BRSK1: variants seen among roughly 807,000 people sequenced by gnomAD.
The protein encoded by BRSK1 is serine/threonine-protein kinase BRSK1.
A neutral mutation model predicts 86.2 loss-of-function variants in BRSK1; 17 were observed. That is an observed-to-expected ratio of 0.20 (90% confidence interval 0.14 to 0.30). The LOEUF (loss-of-function observed/expected upper bound fraction) is 0.30. BRSK1 is among the 10% of genes least tolerant of loss of function. The pLI is 1.00. For missense variants in BRSK1, 719 were observed against 1,071.9 expected, an observed-to-expected ratio of 0.67 and a Z score of 4.60; for synonymous variants, 464 against 440.1, an observed-to-expected ratio of 1.05 and a Z score of -0.68.
Position 55,304,069 on chromosome 19 carries a change from G to T in BRSK1, c.1306G>T (p.Ala436Ser). Residue 436 changes from alanine (A) to serine (S), a missense_variant, in exon 13 of 19, where the codon GCC becomes TCC. Physicochemically the swap from Ala to Ser is moderately conservative, Grantham distance 99. Transcript: ENST00000309383. The surrounding 1 kb of genome is among the most constrained non-coding windows in gnomAD (Gnocchi z 5.2). Reference protein sequence around the residue: ...HSQRSRSVSGASTGLSSSPLS... With the variant: ...HSQRSRSVSGSSTGLSSSPLS... Reference sequence around the variant, plus strand: ...AAACAGATCCCGTAGCGTCAGTGGAGCCTCCACGGGTCTGTCCTCCAGCCC... The same window carrying T: ...AAACAGATCCCGTAGCGTCAGTGGATCCTCCACGGGTCTGTCCTCCAGCCC... 6.2e-7 allele frequency: 1 copy of T among 1,612,226 alleles called. No homozygotes were observed. Among genetic ancestry groups the T allele is most frequent in the Non-Finnish European group, 8.5e-7 (1 of 1,179,640 alleles).
intron 1 of BRSK1, 29 bp from the exon 2 acceptor site, chr19:55,286,978 C>G (rs1483876677): frequency 6.2e-7 from 1 of 1,610,094 alleles, no homozygotes; most frequent in African/African-American, 1.3e-5. Flanking sequence ...CCCGGCGGAA[C>G]ACCCCACATT....
rs1249831971 is a variant in BRSK1, at chr19:55,306,419, C to T, written c.2058C>T (p.Gly686=). Residue 686 remains glycine, a synonymous_variant, in exon 17 of 19, where the codon GGC becomes GGT. Transcript: ENST00000309383. The surrounding 1 kb of genome is among the most constrained non-coding windows in gnomAD (Gnocchi z 4.7). Reference sequence around the variant, plus strand: ...GACGGGACGGCAGCGGAGGTGGTGGCATCTACTCCGTCACCTTCACTCTCA... The same window carrying T: ...GACGGGACGGCAGCGGAGGTGGTGGTATCTACTCCGTCACCTTCACTCTCA... ...SPRRDGSGGG[G]IYSVTFTLIS... 3.1e-6 allele frequency: 5 copies of T among 1,613,602 alleles called. No homozygotes were observed. The South Asian group carries it at 4.4e-5, about 14-fold the overall frequency.
chr19:55,290,773 C>T lies in BRSK1; in HGVS notation c.458+1153C>T, dbSNP rs568565352. Among the ~76,000 whole-genome samples, 207 of 152,222 alleles carry T rather than the reference C, an allele frequency of 1.4e-3. 2 individuals are homozygous for T. The highest frequency in any genetic ancestry group is 0.01 in the Middle Eastern group (3 of 294). On this transcript the variant is annotated intron_variant, in intron 4 of 18. Coordinates refer to ENST00000309383, the MANE Select transcript of BRSK1 (RefSeq NM_032430.2). ...TCTCCTGCCTCAGCCTCCCAAGTAG[C>T]TGGGACTACAGGCGCCCGCCACCAC...
At position 55,302,969 on chromosome 19, in the gene BRSK1, T is replaced by G; in HGVS notation, c.1028+102T>G. 1.4e-6 allele frequency: 2 copies of G among 1,453,506 alleles called. No homozygotes were observed. The highest frequency in any genetic ancestry group is 1.8e-6 in the Non-Finnish European group (2 of 1,084,844). The allele number at this position is 1,453,506 out of a possible 1,614,324, so 90.0% of individuals were successfully genotyped here. A position where few individuals can be genotyped will look rare whatever the true frequency, so the allele number is the denominator to read the frequency against. ...CTGGGCGAGGAACCCTGGCCTCTCATGGGGCATGGTTTGAAGCTCCCGCCT... is the reference window on the plus strand; with the variant it reads ...CTGGGCGAGGAACCCTGGCCTCTCAGGGGGCATGGTTTGAAGCTCCCGCCT... On this transcript the variant is annotated intron_variant, in intron 10 of 18. Transcript: ENST00000309383. This position sits in a 1 kb window ranked among gnomAD's most constrained non-coding sequence, Gnocchi z 6.3.
chr19:55,284,858 G>A (rs2122920585), intron 1 of BRSK1, among the ~76,000 whole-genome samples: 1 of 150,188 alleles, frequency 6.7e-6, no homozygotes, highest in South Asian at 2.1e-4. Context: ...GGGCCTGGGG[G>A]CCTGGACTCC....
In BRSK1 at chr19:55,304,428, A is replaced by T; in HGVS notation, c.1348-123A>T. The T allele has an allele frequency of 8.3e-7, 1 of 1,199,774 alleles. No homozygotes were observed. Among genetic ancestry groups the T allele is most frequent in the African/African-American group, 1.6e-5 (1 of 64,228 alleles). 74.3% of individuals were successfully genotyped at this position (1,199,774 alleles called of 1,614,324 possible). A position where few individuals can be genotyped will look rare whatever the true frequency, so the allele number is the denominator to read the frequency against. On this transcript the variant is annotated intron_variant, in intron 13 of 18. Coordinates refer to ENST00000309383, the MANE Select transcript of BRSK1 (RefSeq NM_032430.2). The surrounding 1 kb of genome is among the most constrained non-coding windows in gnomAD (Gnocchi z 5.2). ...TGCTCTGGGGCCTGGGAAGGAGGAT[A>T]CTTGGACTACAAGTTGCAGCATGCA...
chr19:55,290,742 C>T (rs1368055123), intron 4 of BRSK1, among the ~76,000 whole-genome samples: 1 of 151,938 alleles, frequency 6.6e-6, no homozygotes, highest in South Asian at 2.1e-4. Flanking sequence ...CCCGGGTTCA[C>T]GCCATTCTCC....
intron 4 of BRSK1, among the ~76,000 whole-genome samples, chr19:55,292,769 G>T (rs895648061): frequency 1.3e-5 from 2 of 151,924 alleles, no homozygotes; most frequent in Non-Finnish European, 2.9e-5. Flanking sequence ...AGGAGACGGA[G>T]GTTGCAGTGA....
chr19:55,285,723 C>T (rs904009031), intron 1 of BRSK1, among the ~76,000 whole-genome samples: 4 of 152,102 alleles, frequency 2.6e-5, no homozygotes, highest in Non-Finnish European at 5.9e-5. Context: ...TCCTTCCTGC[C>T]GGATGGATGG....
At position 55,303,895 on chromosome 19, in the gene BRSK1, G is replaced by A. The variant is rs2088608381; in HGVS notation, c.1286+69G>A. The A allele has an allele frequency of 1.2e-5, 19 of 1,528,836 alleles. No individual in the cohort carries two copies. The highest frequency in any genetic ancestry group is 3.9e-5 in the South Asian group (3 of 76,704). 94.7% of individuals were successfully genotyped at this position (1,528,836 alleles called of 1,614,324 possible). A position where few individuals can be genotyped will look rare whatever the true frequency, so the allele number is the denominator to read the frequency against. On this transcript the variant is annotated intron_variant, in intron 12 of 18. Transcript: ENST00000309383. The surrounding 1 kb of genome is among the most constrained non-coding windows in gnomAD (Gnocchi z 5.1). ...CTAGGAGTTCAAGATTCTAACCCCA[G>A]CTCTACCTCAAATGTGCTGTGTCCT...
chr19:55,284,335 C>A lies in BRSK1; in HGVS notation c.-108C>A. 2.3e-6 allele frequency: 2 copies of A among 887,116 alleles called. No homozygotes were observed. The highest frequency in any genetic ancestry group is 3.0e-6 in the Non-Finnish European group (2 of 670,906). The allele number at this position is 887,116 out of a possible 1,614,324, so 55.0% of individuals were successfully genotyped here. On this transcript the variant is annotated 5_prime_UTR_variant, in exon 1 of 19. Transcript: ENST00000309383. ...TGGGGACCCCCGGAGAGGTGGGGGGCAGCCGGGGGGGCCGGGACGGAGCGG... is the reference window on the plus strand; with the variant it reads ...TGGGGACCCCCGGAGAGGTGGGGGGAAGCCGGGGGGGCCGGGACGGAGCGG...
rs562111695 is a variant in BRSK1 at position 55,306,068 on chromosome 19, C to G, written c.1891-184C>G. On this transcript the variant is annotated intron_variant, in intron 16 of 18. Coordinates refer to ENST00000309383, the MANE Select transcript of BRSK1 (RefSeq NM_032430.2). This position sits in a 1 kb window ranked among gnomAD's most constrained non-coding sequence, Gnocchi z 4.7. The stretch of plus-strand genomic sequence containing the variant: ...TAGGGGGATGTCCAACCATTCCTCC[C>G]TTACTCGCTGATAGGATAGAGAAAG... 2.6e-5 allele frequency among the ~76,000 whole-genome samples: 4 copies of G among 152,208 alleles called. No homozygotes were observed. The highest frequency in any genetic ancestry group is 5.9e-5 in the Non-Finnish European group (4 of 68,038).
chr19:55,295,825 C>A (rs1171356910), intron 7 of BRSK1, among the ~76,000 whole-genome samples: 5 of 152,106 alleles, frequency 3.3e-5, no homozygotes, highest in Non-Finnish European at 2.9e-5. Flanking sequence ...AAAAACTAGC[C>A]GGGCTTGGTG....
intron 18 of BRSK1, among the ~76,000 whole-genome samples, chr19:55,311,013 T>A (rs1038332293): frequency 1.3e-5 from 2 of 152,004 alleles, no homozygotes; most frequent in Admixed American, 6.6e-5. Context: ...CAGGCTGGAG[T>A]GCAGTGGCGC....
chr19:55,305,599 GGTCCCC>G lies in BRSK1; in HGVS notation c.1890+14_1890+19del. On this transcript the variant is annotated intron_variant, in intron 16 of 18. Coordinates refer to ENST00000309383, the MANE Select transcript of BRSK1 (RefSeq NM_032430.2). ...TGCCTTTCTGTCGGTGAGGGGCCTG[GGTCCCC>G]ATCGAGCCTGGCCCCCGCAGAACTA... 1 of 1,613,772 alleles carries G rather than the reference GGTCCCC, an allele frequency of 6.2e-7. No individual in the cohort carries two copies. Among genetic ancestry groups the G allele is most frequent in the East Asian group, 2.2e-5 (1 of 44,890 alleles).
intron 18 of BRSK1, 61 bp from the exon 19 acceptor site, chr19:55,311,850 G>A (rs2088805116): frequency 1.9e-6 from 3 of 1,570,028 alleles, no homozygotes; most frequent in Non-Finnish European, 2.6e-6. Context: ...CCCATCCCCT[G>A]GTAATGGGAA....
chr19:55,304,578 CCGGGGGCTGGAGATGAGGCTCGAGG>C lies in BRSK1; in HGVS notation c.1384_1408del (p.Gly462ProfsTer113). On this transcript the variant is annotated frameshift_variant, in exon 14 of 19. Transcript: ENST00000309383. LOFTEE classifies it high-confidence loss of function. This position sits in a 1 kb window ranked among gnomAD's most constrained non-coding sequence, Gnocchi z 5.2. ...TCCGGTCTTTTCCTTTTCACCGGAG[CCGGGGGCTGGAGATGAGGCTCGAGG>C]CGGGGGCTCCCCGACTTCCAAAACG... The C allele has an allele frequency of 6.3e-7, 1 of 1,585,042 alleles. No individual in the cohort carries two copies. The highest frequency in any genetic ancestry group is 8.6e-7 in the Non-Finnish European group (1 of 1,167,710).
At chr19:55,295,360 T>G (rs1277322774) in intron 7 of BRSK1, among the ~76,000 whole-genome samples, 1 of 152,114 alleles carries the variant, frequency 6.6e-6, no homozygotes, top group African/African-American at 2.4e-5. Context: ...TGGGCTCAAG[T>G]GATCTGCCCA....
chr19:55,303,761 T>C lies in BRSK1; in HGVS notation c.1221T>C (p.Asp407=). Residue 407 remains aspartate (D), a synonymous_variant, in exon 12 of 19, where the codon GAT becomes GAC. Coordinates refer to ENST00000309383, the MANE Select transcript of BRSK1 (RefSeq NM_032430.2). The surrounding 1 kb of genome is among the most constrained non-coding windows in gnomAD (Gnocchi z 5.1). ...RKSMEVLSIT[D]AGGGGSPVPT... ...CCATGGAAGTCCTGAGCATCACCGA[T>C]GCCGGGGGTGGTGGCTCCCCTGTAC... 2 of 1,613,174 alleles carry C rather than the reference T, an allele frequency of 1.2e-6. No homozygotes were observed. Among genetic ancestry groups the C allele is most frequent in the Non-Finnish European group, 1.7e-6 (2 of 1,179,492 alleles).
Sources: allele counts gnomAD v4.1 joint callset (sites outside exome capture counted in the v4.1 genomes callset), GRCh38; gene constraint gnomAD v4.1.1; non-coding constraint Gnocchi (gnomAD v3.1); transcripts MANE v1.5; gene names NCBI Gene and HGNC (gene_info 2026-07-23, HGNC 2026-07-21).